Variants in ANKS1A observed in about 807,000 individuals in gnomAD.
ANKS1A encodes the protein ankyrin repeat and sterile alpha motif domain containing 1A.
A neutral mutation model predicts 120.3 loss-of-function variants in ANKS1A; 55 were observed. The observed-to-expected ratio is 0.46, with a 90% CI of 0.37 to 0.57. The LOEUF (loss-of-function observed/expected upper bound fraction) is 0.57, where lower values mean the gene tolerates loss of function less well. Ranked by LOEUF, ANKS1A falls within the 20% of genes least tolerant of loss-of-function variation. The probability of loss-of-function intolerance (pLI) is 0.00; values close to 1 mark genes in which losing one functional copy is unlikely to be tolerated. For synonymous variants in ANKS1A, 590 were observed against 604.7 expected, an observed-to-expected ratio of 0.98 and a Z score of 0.36; for missense variants, 1,123 against 1,480.3, an observed-to-expected ratio of 0.76 and a Z score of 3.96.
chr6:35,021,695 C>T (rs1211984731), intron 11 of ANKS1A, among the ~76,000 whole-genome samples: 1 of 152,066 alleles, frequency 6.6e-6, no homozygotes, highest in Non-Finnish European at 1.5e-5. Flanking sequence ...TTATGAAATG[C>T]AGAGCTCAGG....
At chr6:34,951,561 C>A (rs1231839925) in intron 1 of ANKS1A, among the ~76,000 whole-genome samples, 1 of 152,058 alleles carries the variant, frequency 6.6e-6, no homozygotes, top group African/African-American at 2.4e-5. Flanking sequence ...TGCTTTGGGA[C>A]TTTTAGGAAA....
chr6:35,016,144 A>G (rs1773992658), intron 10 of ANKS1A, among the ~76,000 whole-genome samples: 1 of 152,228 alleles, frequency 6.6e-6, no homozygotes, highest in Non-Finnish European at 1.5e-5. Flanking sequence ...ATAAGATGAA[A>G]TCACTGCCAA....
chr6:35,084,413 G>A lies in ANKS1A; in HGVS notation c.3132+155G>A, dbSNP rs775933478. Reference sequence around the variant, plus strand: ...AATGGAGCCCAGCAGCACTCAGGCCGGTCCCCTTTCACAGTGATGAGACTG... The same window carrying A: ...AATGGAGCCCAGCAGCACTCAGGCCAGTCCCCTTTCACAGTGATGAGACTG... On this transcript the variant is annotated intron_variant, in intron 21 of 23. Transcript: ENST00000360359. The surrounding 1 kb of genome is among the most constrained non-coding windows in gnomAD (Gnocchi z 4.8). 6.6e-6 allele frequency among the ~76,000 whole-genome samples: 1 copy of A among 152,138 alleles called. No individual in the cohort carries two copies. Among genetic ancestry groups the A allele is most frequent in the South Asian group, 2.1e-4 (1 of 4,824 alleles).
At chr6:34,909,043 C>G (rs967354508) in intron 1 of ANKS1A, among the ~76,000 whole-genome samples, 4 of 152,120 alleles carry the variant, frequency 2.6e-5, no homozygotes, top group African/African-American at 9.7e-5. Flanking sequence ...GATAACATTC[C>G]AGTGCCCCAG....
At chr6:34,927,983 T>G (rs1768798524) in intron 1 of ANKS1A, among the ~76,000 whole-genome samples, 1 of 152,186 alleles carries the variant, frequency 6.6e-6, no homozygotes, top group African/African-American at 2.4e-5. Flanking sequence ...CCCCATTCAT[T>G]CACAGGGTAT....
rs1008359058 is a variant in ANKS1A at position 34,889,996 on chromosome 6, C to G, written c.197+397C>G. ...CTCACCTCCTGCAGAAACTCCTACG[C>G]CTTGTAGAATCTCGAGGCTCCTCTG... On this transcript the variant is annotated intron_variant, in intron 1 of 23. Coordinates refer to ENST00000360359, the MANE Select transcript of ANKS1A (RefSeq NM_015245.3). The surrounding 1 kb of genome is among the most constrained non-coding windows in gnomAD (Gnocchi z 5.5). Among the ~76,000 whole-genome samples, 2 of 152,162 alleles carry G rather than the reference C, an allele frequency of 1.3e-5. No individual in the cohort carries two copies. Among genetic ancestry groups the G allele is most frequent in the Non-Finnish European group, 2.9e-5 (2 of 68,036 alleles).
At chr6:35,043,320 G>T (rs1775557494) in intron 11 of ANKS1A, among the ~76,000 whole-genome samples, 1 of 152,244 alleles carries the variant, frequency 6.6e-6, no homozygotes. Flanking sequence ...GTTGGCCCTG[G>T]ACAGAGGCAG....
chr6:34,941,805 T>C (rs569934360), intron 1 of ANKS1A, among the ~76,000 whole-genome samples: 1 of 152,304 alleles, frequency 6.6e-6, no homozygotes. Flanking sequence ...CAGCAGAATA[T>C]ATGTATGACC....
At chr6:35,029,829 T>TA (rs1554148474) in intron 11 of ANKS1A, among the ~76,000 whole-genome samples, 105 of 148,232 alleles carry the variant, frequency 7.1e-4, no homozygotes, top group Non-Finnish European at 1.2e-3. Context: ...AATCTATTTT[T>TA]TATATATATA....
At chr6:35,027,290 A>C (rs1418537917) in intron 11 of ANKS1A, among the ~76,000 whole-genome samples, 1 of 152,214 alleles carries the variant, frequency 6.6e-6, no homozygotes, top group Non-Finnish European at 1.5e-5. Flanking sequence ...AGCACTCACC[A>C]CAAATAATTT....
At chr6:34,900,095 C>A (rs1376647104) in intron 1 of ANKS1A, among the ~76,000 whole-genome samples, 6 of 152,214 alleles carry the variant, frequency 3.9e-5, no homozygotes. Flanking sequence ...GCTCAGTTTA[C>A]CTACACAACA....
At chr6:34,938,797 G>A (rs1485001151) in intron 1 of ANKS1A, among the ~76,000 whole-genome samples, 2 of 152,070 alleles carry the variant, frequency 1.3e-5, no homozygotes, top group Non-Finnish European at 2.9e-5. Context: ...AGACCAGCCT[G>A]GCCAACATGG....
chr6:34,927,464 A>G (rs546143587), intron 1 of ANKS1A, among the ~76,000 whole-genome samples: 14 of 152,268 alleles, frequency 9.2e-5, no homozygotes, highest in African/African-American at 3.4e-4. Context: ...CAGGGGCACC[A>G]GATGCTCATT....
intron 10 of ANKS1A, among the ~76,000 whole-genome samples, chr6:35,000,067 T>G (rs1350395380): frequency 1.3e-5 from 2 of 152,264 alleles, no homozygotes; most frequent in African/African-American, 2.4e-5. Context: ...AAACCTATAA[T>G]TGATAATTAA....
intron 1 of ANKS1A, among the ~76,000 whole-genome samples, chr6:34,931,294 T>C (rs1768969996): frequency 6.6e-6 from 1 of 151,808 alleles, no homozygotes; most frequent in Non-Finnish European, 1.5e-5. Flanking sequence ...TTATAGGCAC[T>C]CACCACCACA....
chr6:35,083,443 C>T lies in ANKS1A; in HGVS notation c.2934C>T (p.Ile978=). 1.2e-6 allele frequency: 2 copies of T among 1,614,086 alleles called. No individual in the cohort carries two copies. The highest frequency in any genetic ancestry group is 1.7e-6 in the Non-Finnish European group (2 of 1,180,004). The stretch of plus-strand genomic sequence containing the variant: ...AATCTACGGAGCACATGAAGAAGAT[C>T]CCCACCATCATCCTGTCCATCACAT... ...MRKSTEHMKK[I]PTIILSITYK... Residue 978 remains isoleucine (I), a synonymous_variant, in exon 20 of 24, where the codon ATC becomes ATT. Transcript: ENST00000360359.
chr6:35,081,256 A>C (rs1401023333), intron 17 of ANKS1A, 98 bp downstream of exon 17: 6 of 1,418,168 alleles, frequency 4.2e-6, no homozygotes, highest in Non-Finnish European at 5.6e-6. Flanking sequence ...ACTTGAGCAC[A>C]GTTGGGCTGG....
In ANKS1A at chr6:35,081,139, C is replaced by T. The variant is rs779234201; in HGVS notation, c.2690C>T (p.Ala897Val). Residue 897 changes from alanine (A) to valine (V), a missense_variant, in exon 17 of 24, where the codon GCG (alanine) becomes GTG (valine). Physicochemically the swap from Ala to Val is moderately conservative, Grantham distance 64. This residue lies in a region of ANKS1A where 904 missense variants were observed against 1,130.4 expected (regional missense o/e 0.80). Coordinates refer to ENST00000360359, the MANE Select transcript of ANKS1A (RefSeq NM_015245.3). ...CATGACCCTGCGGCACCCTCCCGAG[C>T]GGAGCGCTTCAGGATCCAGGTGGGG... The part of the protein sequence containing the change: ...SLHDPAAPSR[A>V]ERFRIQEEHR... The T allele has an allele frequency of 3.0e-5, 49 of 1,611,064 alleles. No homozygotes were observed. Among genetic ancestry groups the T allele is most frequent in the Middle Eastern group, 3.3e-4 (2 of 6,066 alleles).
Position 35,089,421 on chromosome 6 carries a change from G to A in ANKS1A, c.*812G>A, listed in dbSNP as rs912055135. On this transcript the variant is annotated 3_prime_UTR_variant, in exon 24 of 24. Coordinates refer to ENST00000360359, the MANE Select transcript of ANKS1A (RefSeq NM_015245.3). ...ATCGGAGCACTGCCCTGGGCTGGCC[G>A]GCGCCGTACTGCCTGCGTTGTGTCA... is the stretch of plus-strand genomic sequence containing the variant. The A allele has an allele frequency of 2.8e-5, 28 of 986,614 alleles. No homozygotes were observed. In the East Asian group the frequency reaches 1.9e-3, roughly 68 times the overall value. 61.1% of individuals were successfully genotyped at this position (986,614 alleles called of 1,614,324 possible). A position where few individuals can be genotyped will look rare whatever the true frequency, so the allele number is the denominator to read the frequency against.
Sources: allele counts gnomAD v4.1 joint callset (sites outside exome capture counted in the v4.1 genomes callset), GRCh38; gene constraint gnomAD v4.1.1; regional missense constraint gnomAD v4.1.1; non-coding constraint Gnocchi (gnomAD v3.1); transcripts MANE v1.5; gene names NCBI Gene and HGNC (gene_info 2026-07-23, HGNC 2026-07-21).